ART1: variants seen among roughly 807,000 people sequenced by gnomAD.
ART1 encodes ADP-ribosyltransferase 1.
In ART1, 29 loss-of-function variants were observed where a neutral mutation model predicts 27.0. That is an observed-to-expected ratio of 1.08 (90% CI 0.80 to 1.47). The LOEUF is 1.47. ART1 is among the 40% of genes most tolerant of loss of function. The probability of loss-of-function intolerance (pLI) is 0.00; values close to 1 mark genes in which losing one functional copy is unlikely to be tolerated. For missense variants in ART1, 480 were observed against 423.0 expected, an observed-to-expected ratio of 1.13 and a Z score of -1.18; for synonymous variants, 201 against 172.2, an observed-to-expected ratio of 1.17 and a Z score of -1.31.
At chr11:3,655,071 T>C (rs1306842511) in intron 1 of ART1, among the ~76,000 whole-genome samples, 1 of 152,212 alleles carries the variant, frequency 6.6e-6, no homozygotes, top group Non-Finnish European at 1.5e-5. Flanking sequence ...GGCAAGTGGC[T>C]TATCTAAACT....
intron 1 of ART1, among the ~76,000 whole-genome samples, chr11:3,653,744 C>A (rs116050118): frequency 0.011 from 1,627 of 152,154 alleles, 27 homozygotes; most frequent in African/African-American, 0.034. Flanking sequence ...TCTCTCACGT[C>A]CCCTATAGCC....
intron 1 of ART1, among the ~76,000 whole-genome samples, chr11:3,657,303 T>C (rs1371318832): frequency 1.3e-5 from 2 of 152,106 alleles, no homozygotes; most frequent in Non-Finnish European, 2.9e-5. Flanking sequence ...GGCTGGGAGC[T>C]GTGGCTCACG....
At chr11:3,646,836 A>T (rs77136837) in intron 1 of ART1, among the ~76,000 whole-genome samples, 1 of 152,204 alleles carries the variant, frequency 6.6e-6, no homozygotes, top group Non-Finnish European at 1.5e-5. Flanking sequence ...CATTCAATAC[A>T]TTTTTACTGA....
chr11:3,664,059 C>T (rs1343029962), intron 4 of ART1, 33 bp from the exon 5 acceptor site: 4 of 1,605,370 alleles, frequency 2.5e-6, no homozygotes, highest in Non-Finnish European at 2.6e-6. Context: ...TTCTCTCTCT[C>T]TCCCCCAACC....
Position 3,659,719 on chromosome 11 carries a change from C to CGGA in ART1, c.202_204dup (p.Glu68dup). The CGGA allele has an allele frequency of 1.9e-6, 3 of 1,614,018 alleles. No individual in the cohort carries two copies. The African/African-American group carries it at 4.0e-5, about 22-fold the overall frequency. On this transcript the variant is annotated inframe_insertion, in exon 3 of 5. Transcript: ENST00000250693. ...GCTGCTCTCCCGGATCTCAACCACACGGAGTTCCAGGCCAACCAGGTGTAT... is the reference window on the plus strand; with the variant it reads ...GCTGCTCTCCCGGATCTCAACCACACGGAGGAGTTCCAGGCCAACCAGGTGTAT...
chr11:3,662,773 G>T (rs951289952), intron 4 of ART1, among the ~76,000 whole-genome samples: 2 of 152,232 alleles, frequency 1.3e-5, no homozygotes, highest in Non-Finnish European at 2.9e-5. Context: ...GAACCTGGGA[G>T]GCGGAGGTTG....
At position 3,660,021 on chromosome 11, in the gene ART1, G is replaced by A. The variant is rs746683411; in HGVS notation, c.502G>A (p.Gly168Ser). 6.1e-5 allele frequency: 98 copies of A among 1,613,828 alleles called. No homozygotes were observed. The Middle Eastern group carries it at 8.2e-4, about 14-fold the overall frequency. Residue 168 changes from glycine (G) to serine (S), a missense_variant, in exon 3 of 5, where the codon GGC becomes AGC. Gly to Ser is a moderately conservative substitution (Grantham distance 56, BLOSUM62 0). Transcript: ENST00000250693. Reference sequence around the variant, plus strand: ...TGAGGCCCTGCAGCTCCTGGGCAGCGGCCAGCGTCCACCCCGGTGCCACCA... The same window carrying A: ...TGAGGCCCTGCAGCTCCTGGGCAGCAGCCAGCGTCCACCCCGGTGCCACCA... ...LTEALQLLGS[G>S]QRPPRCHQVF...
At chr11:3,648,977 C>A (rs147171058) in intron 1 of ART1, among the ~76,000 whole-genome samples, 1 of 105,262 alleles carries the variant, frequency 9.5e-6, no homozygotes, top group South Asian at 3.2e-4. Flanking sequence ...CTTATTTCCA[C>A]GCCCCGACCT....
At chr11:3,647,834 GA>G (rs199872848) in intron 1 of ART1, among the ~76,000 whole-genome samples, 1,754 of 142,316 alleles carry the variant, frequency 0.012, 26 homozygotes, top group East Asian at 0.043. Flanking sequence ...CAATGAGGCT[GA>G]AAAAAAAAAA....
chr11:3,657,111 A>T (rs2077581412), intron 1 of ART1, among the ~76,000 whole-genome samples: 1 of 152,354 alleles, frequency 6.6e-6, no homozygotes, highest in East Asian at 1.9e-4. Flanking sequence ...AGGAGATGAT[A>T]AAGCAGCGAC....
intron 1 of ART1, among the ~76,000 whole-genome samples, chr11:3,652,615 C>T (rs1353326959): frequency 6.6e-6 from 1 of 152,124 alleles, no homozygotes; most frequent in Admixed American, 6.6e-5. Context: ...TATTAGGCCC[C>T]AGTCTAATTC....
intron 1 of ART1, among the ~76,000 whole-genome samples, chr11:3,657,938 G>A (rs2077586882): frequency 6.6e-6 from 1 of 152,240 alleles, no homozygotes; most frequent in East Asian, 1.9e-4. Context: ...TGAGCAGGGA[G>A]ATATTTATGT....
Position 3,659,996 on chromosome 11 carries a change from T to C in ART1, c.477T>C (p.Thr159=). The C allele has an allele frequency of 6.2e-7, 1 of 1,614,040 alleles. No individual in the cohort carries two copies. The highest frequency in any genetic ancestry group is 8.5e-7 in the Non-Finnish European group (1 of 1,179,962). ...FSFKTLHFLL[T]EALQLLGSGQ... ...TCAAGACACTCCATTTCCTGCTGAC[T>C]GAGGCCCTGCAGCTCCTGGGCAGCG... Residue 159 remains threonine (T), a synonymous_variant, in exon 3 of 5, where the codon ACT becomes ACC. Transcript: ENST00000250693.
At chr11:3,655,021 A>T (rs910511800) in intron 1 of ART1, among the ~76,000 whole-genome samples, 1 of 152,188 alleles carries the variant, frequency 6.6e-6, no homozygotes, top group Non-Finnish European at 1.5e-5. Flanking sequence ...CTCAGTGGCA[A>T]ACAAACATTT....
chr11:3,653,767 A>C (rs1289578759), intron 1 of ART1, among the ~76,000 whole-genome samples: 1 of 151,768 alleles, frequency 6.6e-6, no homozygotes, highest in African/African-American at 2.4e-5. Context: ...TCAGACATCA[A>C]GTCTTGTAAA....
At chr11:3,651,985 C>A (rs192813670) in intron 1 of ART1, among the ~76,000 whole-genome samples, 3 of 151,612 alleles carry the variant, frequency 2.0e-5, no homozygotes, top group African/African-American at 4.9e-5. Flanking sequence ...GAACAAGCCA[C>A]CAGCCCGCCT....
chr11:3,655,620 C>G (rs1565042526), intron 1 of ART1: 1 of 152,216 alleles, frequency 6.6e-6, no homozygotes, highest in Non-Finnish European at 1.5e-5. Flanking sequence ...CGAAGACAGT[C>G]TCCGGGAATA....
intron 1 of ART1, among the ~76,000 whole-genome samples, chr11:3,646,195 C>A (rs543132217): frequency 1.1e-4 from 16 of 152,194 alleles, no homozygotes; most frequent in African/African-American, 3.9e-4. Flanking sequence ...GGAACATGAC[C>A]AGAGTCGCGC....
chr11:3,658,289 C>T lies in ART1; in HGVS notation c.-52-873C>T, dbSNP rs371345532. 2.9e-3 allele frequency among the ~76,000 whole-genome samples: 433 copies of T among 149,358 alleles called. 3 individuals are homozygous for T. Among genetic ancestry groups the T allele is most frequent in the African/African-American group, 0.01 (410 of 40,274 alleles). On this transcript the variant is annotated intron_variant, in intron 1 of 4. Transcript: ENST00000250693. ...TGGAGGATGCAGTGCGCCGAGATCA[C>T]GCCACTGCACTCCAGCCTGGGCAAC...
Sources: allele counts gnomAD v4.1 joint callset (sites outside exome capture counted in the v4.1 genomes callset), GRCh38; gene constraint gnomAD v4.1.1; transcripts MANE v1.5; gene names NCBI Gene and HGNC (gene_info 2026-07-23, HGNC 2026-07-21).